CDKL4: variants seen among roughly 807,000 people sequenced by gnomAD.
CDKL4 encodes the protein cyclin-dependent kinase-like 4.
In CDKL4, 44 loss-of-function variants were observed where a neutral mutation model predicts 42.0. The ratio of observed to expected loss-of-function variants is 1.05; its 90% CI spans 0.82 to 1.35. The LOEUF (loss-of-function observed/expected upper bound fraction) is 1.35. Ranked by LOEUF, CDKL4 falls within the 40% of genes most tolerant of loss-of-function variation. The pLI is 0.00. For missense variants in CDKL4, 393 were observed against 369.9 expected, an observed-to-expected ratio of 1.06 and a Z score of -0.51; for synonymous variants, 120 against 121.6, an observed-to-expected ratio of 0.99 and a Z score of 0.09.
exon 7 of CDKL4, chr2:39,187,683 T>C (rs1402445877): frequency 5.0e-6 from 8 of 1,612,524 alleles, no homozygotes; most frequent in South Asian, 1.1e-5. Context: ...CTTTTAAAGA[T>C]TGATTGATGT....
At chr2:39,203,975 T>C (rs1343204078) in intron 5 of CDKL4, among the ~76,000 whole-genome samples, 1 of 152,214 alleles carries the variant, frequency 6.6e-6, no homozygotes, top group Non-Finnish European at 1.5e-5. Context: ...AATACATATA[T>C]TTGTCTGCTG....
chr2:39,202,137 CAGG>C (rs1676890588), intron 5 of CDKL4, among the ~76,000 whole-genome samples: 1 of 152,066 alleles, frequency 6.6e-6, no homozygotes, highest in Non-Finnish European at 1.5e-5. Context: ...GAGGCTGAGG[CAGG>C]AGAATTGCTT....
At chr2:39,224,838 T>C (rs925137399) in intron 3 of CDKL4, among the ~76,000 whole-genome samples, 9 of 152,138 alleles carry the variant, frequency 5.9e-5, no homozygotes, top group African/African-American at 2.2e-4. Flanking sequence ...ATGCTGTTAA[T>C]TTTTGCATGT....
At chr2:39,191,525 T>C (rs1676184177) in intron 5 of CDKL4, among the ~76,000 whole-genome samples, 11 of 152,224 alleles carry the variant, frequency 7.2e-5, no homozygotes, top group Admixed American at 7.2e-4. Context: ...AAAATAGATT[T>C]CTGTTGTTTT....
chr2:39,202,758 CT>C (rs1676931531), intron 5 of CDKL4, among the ~76,000 whole-genome samples: 1 of 152,172 alleles, frequency 6.6e-6, no homozygotes, highest in African/African-American at 2.4e-5. Context: ...CCAGTAGGAG[CT>C]TACATTTTTA....
chr2:39,213,578 C>T, intron 3 of CDKL4, 106 bp from the exon 4 acceptor site: 1 of 641,962 alleles, frequency 1.6e-6, no homozygotes, highest in Non-Finnish European at 2.8e-6. Context: ...CTTCAAGGAA[C>T]ACCATGCGGA....
At chr2:39,171,669 C>G (rs1304016869), downstream of CDKL4, among the ~76,000 whole-genome samples, 1 of 152,102 alleles carries the variant, frequency 6.6e-6, no homozygotes, top group Non-Finnish European at 1.5e-5. Context: ...TTTGAATGGC[C>G]TGAAAATACT....
chr2:39,177,913 T>A (rs1675235982), intron 9 of CDKL4, among the ~76,000 whole-genome samples: 1 of 152,164 alleles, frequency 6.6e-6, no homozygotes, highest in African/African-American at 2.4e-5. Flanking sequence ...GGTGTCAAAC[T>A]CCTGACCTCA....
At chr2:39,197,023 G>A (rs139316473) in intron 5 of CDKL4, among the ~76,000 whole-genome samples, 3,758 of 152,236 alleles carry the variant, frequency 0.025, 54 homozygotes, top group Middle Eastern at 0.031. Flanking sequence ...CAACTATTAA[G>A]CCAATCAAGG....
intron 5 of CDKL4, among the ~76,000 whole-genome samples, chr2:39,195,178 T>C (rs554752179): frequency 1.3e-5 from 2 of 152,372 alleles, no homozygotes; most frequent in Admixed American, 1.3e-4. Context: ...ATTATATGTA[T>C]ATACCACATT....
At chr2:39,234,085 T>G (rs1297721220) in intron 1 of CDKL4, among the ~76,000 whole-genome samples, 1 of 151,800 alleles carries the variant, frequency 6.6e-6, no homozygotes, top group Non-Finnish European at 1.5e-5. Context: ...GGCTAATTTT[T>G]GTATTTTTTA....
At chr2:39,171,280 T>A (rs566740951), downstream of CDKL4, among the ~76,000 whole-genome samples, 2 of 151,274 alleles carry the variant, frequency 1.3e-5, no homozygotes, top group East Asian at 1.9e-4. Flanking sequence ...AATATTGTGG[T>A]TGGGAAATCT....
chr2:39,229,636 T>G, intron 1 of CDKL4, 48 bp from the exon 2 acceptor site: 1 of 875,320 alleles, frequency 1.1e-6, no homozygotes, highest in Non-Finnish European at 1.7e-6. Flanking sequence ...AAAGACAATG[T>G]TCTCACAGGT....
chr2:39,209,122 GAGA>G (rs1677408998), intron 4 of CDKL4, among the ~76,000 whole-genome samples: 5 of 146,644 alleles, frequency 3.4e-5, no homozygotes, highest in Admixed American at 6.8e-5. Flanking sequence ...GCAACACAAT[GAGA>G]CTATCTCTAC....
chr2:39,196,430 C>T (rs1676519037), intron 5 of CDKL4, among the ~76,000 whole-genome samples: 1 of 152,100 alleles, frequency 6.6e-6, no homozygotes, highest in African/African-American at 2.4e-5. Flanking sequence ...ACAATCAATG[C>T]AGTTTGGCTC....
upstream of CDKL4, among the ~76,000 whole-genome samples, chr2:39,246,047 G>T (rs1679899322): frequency 6.6e-6 from 1 of 152,150 alleles, no homozygotes; most frequent in Non-Finnish European, 1.5e-5. Context: ...GACTAACTTA[G>T]AAATGCTATA....
At chr2:39,194,759 GTATATCTA>G (rs775462175) in intron 5 of CDKL4, among the ~76,000 whole-genome samples, 1 of 151,932 alleles carries the variant, frequency 6.6e-6, no homozygotes, top group African/African-American at 2.4e-5. Flanking sequence ...ATCTCTCTGT[GTATATCTA>G]TATATCTATA....
At chr2:39,230,509 G>T (rs1411947243) in intron 1 of CDKL4, among the ~76,000 whole-genome samples, 2 of 152,118 alleles carry the variant, frequency 1.3e-5, no homozygotes, top group Non-Finnish European at 2.9e-5. Context: ...GATTTCTATG[G>T]AAATACTGGG....
intron 5 of CDKL4, among the ~76,000 whole-genome samples, chr2:39,201,620 G>A (rs78621919): frequency 0.017 from 2,518 of 152,154 alleles, 76 homozygotes; most frequent in African/African-American, 0.057. Flanking sequence ...TATATATACC[G>A]CAGAATACTA....
Sources: gnomAD v4.1 joint callset for allele counts (sites outside exome capture counted in the v4.1 genomes callset) on GRCh38, gnomAD v4.1.1 for gene constraint, MANE v1.5 for transcripts, NCBI Gene and HGNC (gene_info 2026-07-23, HGNC 2026-07-21) for gene names.